MATN2: variants seen among roughly 807,000 people sequenced by gnomAD.
MATN2 encodes matrilin-2.
In MATN2, 69 loss-of-function variants were observed where a neutral mutation model predicts 103.2. That is an observed-to-expected ratio of 0.67 (90% CI 0.55 to 0.82). The LOEUF is 0.82. MATN2 is among the 40% of genes least tolerant of loss of function. The pLI is 0.00. For missense variants in MATN2, 1,023 were observed against 1,211.5 expected, an observed-to-expected ratio of 0.84 and a Z score of 2.31; for synonymous variants, 429 against 450.2, an observed-to-expected ratio of 0.95 and a Z score of 0.60.
intron 5 of MATN2, among the ~76,000 whole-genome samples, chr8:97,977,304 G>A (rs187800503): frequency 8.0e-5 from 12 of 149,168 alleles, no homozygotes; most frequent in African/African-American, 3.0e-4. Context: ...GGTGGGACCT[G>A]CTGGAAAGTG....
Position 97,919,864 on chromosome 8 carries a change from G to T in MATN2, c.143-11089G>T, listed in dbSNP as rs184797284. 4.7e-4 allele frequency among the ~76,000 whole-genome samples: 72 copies of T among 152,364 alleles called. No homozygotes were observed. The East Asian group carries it at 0.011, about 22-fold the overall frequency. The stretch of plus-strand genomic sequence containing the variant: ...ACACTCAGACAGAGGTAAGCAGGGA[G>T]TGTTGGGGCTCAGAGGAAGGCCACT... On this transcript the variant is annotated intron_variant, in intron 2 of 18. Coordinates refer to ENST00000254898, the MANE Select transcript of MATN2 (RefSeq NM_002380.5).
intron 6 of MATN2, among the ~76,000 whole-genome samples, chr8:97,988,189 T>TATATATATATATATATACACACAC (rs71570279): frequency 5.8e-4 from 32 of 54,892 alleles, no homozygotes; most frequent in East Asian, 1.4e-3. Flanking sequence ...TATATATATA[T>TATATATATATATATATACACACAC]ACACACACAC....
chr8:97,979,765 A>T (rs1405747854), intron 6 of MATN2, among the ~76,000 whole-genome samples: 1 of 152,212 alleles, frequency 6.6e-6, no homozygotes. Context: ...CTTTAATAAC[A>T]ATCTAGAATA....
At chr8:98,028,553 A>G (rs1320832258) in intron 14 of MATN2, among the ~76,000 whole-genome samples, 1 of 152,192 alleles carries the variant, frequency 6.6e-6, no homozygotes, top group African/African-American at 2.4e-5. Context: ...TGAGGGAGAT[A>G]AGAAAACTTG....
At chr8:97,906,401 A>G (rs896595590) in intron 2 of MATN2, among the ~76,000 whole-genome samples, 1 of 152,140 alleles carries the variant, frequency 6.6e-6, no homozygotes, top group Non-Finnish European at 1.5e-5. Context: ...GAGGTGATGG[A>G]CTAGCAGCAG....
At chr8:97,971,754 CT>C (rs1369939563) in intron 5 of MATN2, among the ~76,000 whole-genome samples, 2 of 152,138 alleles carry the variant, frequency 1.3e-5, no homozygotes, top group Non-Finnish European at 2.9e-5. Flanking sequence ...ACCACTTGTA[CT>C]TTTCATCTTT....
chr8:98,003,877 A>G, intron 8 of MATN2, 94 bp downstream of exon 8: 1 of 1,462,670 alleles, frequency 6.8e-7, no homozygotes, highest in Non-Finnish European at 9.5e-7. Context: ...TCTGGAGCCC[A>G]CCGGGTTTCC....
In MATN2 at chr8:98,007,792, T is replaced by C. The variant is rs1397816764; in HGVS notation, c.1573+191T>C. Among the ~76,000 whole-genome samples, 1 of 152,054 alleles carries C rather than the reference T, an allele frequency of 6.6e-6. No homozygotes were observed. The highest frequency in any genetic ancestry group is 6.6e-5 in the Admixed American group (1 of 15,256). Reference sequence around the variant, plus strand: ...TTCACCAACTCCCCTCAATCTTCCTTCCCCCGTGCCCTGAAGTGGCTTTTT... The same window carrying C: ...TTCACCAACTCCCCTCAATCTTCCTCCCCCCGTGCCCTGAAGTGGCTTTTT... On this transcript the variant is annotated intron_variant, in intron 10 of 18. Transcript: ENST00000254898. This position sits in a 1 kb window ranked among gnomAD's most constrained non-coding sequence, Gnocchi z 4.2.
At chr8:98,003,623 C>G in intron 7 of MATN2, 38 bp from the exon 8 acceptor site, 1 of 1,612,432 alleles carries the variant, frequency 6.2e-7, no homozygotes, top group Non-Finnish European at 8.5e-7. Context: ...TGGGAGAGGT[C>G]CAGAGTCTGA....
intron 14 of MATN2, among the ~76,000 whole-genome samples, 189 bp downstream of exon 14, chr8:98,028,018 A>G (rs1813875492): frequency 6.6e-6 from 1 of 152,182 alleles, no homozygotes; most frequent in African/African-American, 2.4e-5. Context: ...GAGTTAAATA[A>G]AGTGCTCAGG....
chr8:97,961,473 T>A lies in MATN2; in HGVS notation c.901T>A (p.Phe301Ile), dbSNP rs1164480769. The A allele has an allele frequency of 1.2e-6, 2 of 1,613,678 alleles. No homozygotes were observed. The highest frequency in any genetic ancestry group is 1.7e-5 in the Admixed American group (1 of 59,974). ...GCTCTGTGTGAATGTGCCGGGCTCCTTCGTCTGCCAGTGCTACAGTGGCTA... is the reference window on the plus strand; with the variant it reads ...GCTCTGTGTGAATGTGCCGGGCTCCATCGTCTGCCAGTGCTACAGTGGCTA... ...EQLCVNVPGSFVCQCYSGYAL... is the reference protein window; with the variant it reads ...EQLCVNVPGSIVCQCYSGYAL... Residue 301 changes from phenylalanine to isoleucine, a missense_variant, in exon 5 of 19, where the codon TTC becomes ATC. By Grantham distance (21) the Phe-to-Ile change is conservative (BLOSUM62 0). Transcript: ENST00000254898.
At chr8:97,878,395 C>T (rs1818148162) in intron 1 of MATN2, among the ~76,000 whole-genome samples, 1 of 151,936 alleles carries the variant, frequency 6.6e-6, no homozygotes, top group African/African-American at 2.4e-5. Flanking sequence ...AACCCCATCT[C>T]TACAAAAAAT....
In MATN2 at chr8:98,033,674, C is replaced by T. The variant is rs2130462561; in HGVS notation, c.2815+15C>T. 4 of 1,500,102 alleles carry T rather than the reference C, an allele frequency of 2.7e-6. No individual in the cohort carries two copies. The highest frequency in any genetic ancestry group is 3.7e-6 in the Non-Finnish European group (4 of 1,086,868). 92.9% of individuals were successfully genotyped at this position (1,500,102 alleles called of 1,614,324 possible). On this transcript the variant is annotated intron_variant, in intron 18 of 18. Coordinates refer to ENST00000254898, the MANE Select transcript of MATN2 (RefSeq NM_002380.5). Reference sequence around the variant, plus strand: ...AACACAGCGCTATATCCTTTTCTTGCATTATGCTTCTGTATGGAATGCAAA... The same window carrying T: ...AACACAGCGCTATATCCTTTTCTTGTATTATGCTTCTGTATGGAATGCAAA...
rs1325111982 is a variant in MATN2 at position 98,016,487 on chromosome 8, AAT to A, written c.1574-48_1574-47del. The A allele has an allele frequency of 4.6e-6, 7 of 1,526,378 alleles. No individual in the cohort carries two copies. The African/African-American group carries it at 9.6e-5, about 21-fold the overall frequency. The allele number at this position is 1,526,378 out of a possible 1,614,324, so 94.6% of individuals were successfully genotyped here. A position where few individuals can be genotyped will look rare whatever the true frequency, so the allele number is the denominator to read the frequency against. ...GTCTTTTATGATTGAATAAGCCACTAATATATGAGTCATTTTCTTCTTCTGTT... is the reference window on the plus strand; with the variant it reads ...GTCTTTTATGATTGAATAAGCCACTAATATGAGTCATTTTCTTCTTCTGTT... On this transcript the variant is annotated intron_variant, in intron 10 of 18. Coordinates refer to ENST00000254898, the MANE Select transcript of MATN2 (RefSeq NM_002380.5).
Position 98,018,080 on chromosome 8 carries a change from G to T in MATN2, c.1783G>T (p.Gly595Ter), listed in dbSNP as rs1341921121. Reference sequence around the variant, plus strand: ...CTCATACACGTGCGAGTGCTTGGAGGGATTCCGGCTCGCTGAGGATGGGAA... The same window carrying T: ...CTCATACACGTGCGAGTGCTTGGAGTGATTCCGGCTCGCTGAGGATGGGAA... ...DDSYTCECLE[G>*]FRLAEDGKRC... Residue 595 changes from glycine to a stop codon, truncating the protein, a stop_gained, in exon 12 of 19, where the codon GGA (glycine) becomes TGA (stop). Coordinates refer to ENST00000254898, the MANE Select transcript of MATN2 (RefSeq NM_002380.5). LOFTEE classifies it high-confidence loss of function. 1.2e-6 allele frequency: 2 copies of T among 1,613,812 alleles called. No homozygotes were observed. Among genetic ancestry groups the T allele is most frequent in the African/African-American group, 1.3e-5 (1 of 74,928 alleles).
At chr8:97,884,392 A>G (rs983458290) in intron 1 of MATN2, among the ~76,000 whole-genome samples, 4 of 151,756 alleles carry the variant, frequency 2.6e-5, no homozygotes, top group African/African-American at 9.7e-5. Flanking sequence ...CACCCACCTT[A>G]GCCTCCAAAG....
At chr8:98,001,821 A>C (rs1232621626) in intron 7 of MATN2, among the ~76,000 whole-genome samples, 1 of 150,994 alleles carries the variant, frequency 6.6e-6, no homozygotes, top group African/African-American at 2.5e-5. Context: ...GAGGGCCCCC[A>C]GTAAGCTTCT....
intron 1 of MATN2, among the ~76,000 whole-genome samples, chr8:97,870,371 A>G (rs1410060857): frequency 6.6e-6 from 1 of 152,076 alleles, no homozygotes; most frequent in East Asian, 1.9e-4. Context: ...ATACAAAATT[A>G]GCCGGACTTG....
chr8:97,917,150 TTCATAAAACAACAACAAAATCTTACCA>T (rs2130093352), intron 2 of MATN2, among the ~76,000 whole-genome samples: 1 of 152,230 alleles, frequency 6.6e-6, no homozygotes, highest in East Asian at 1.9e-4. Context: ...CCCCAGCACC[TTCATAAAACAACAACAAAATCTTACCA>T]TGGCATTGCC....
Sources: gnomAD v4.1 joint callset for allele counts (sites outside exome capture counted in the v4.1 genomes callset) on GRCh38, gnomAD v4.1.1 for gene constraint, Gnocchi (gnomAD v3.1) non-coding constraint, MANE v1.5 for transcripts, NCBI Gene and HGNC (gene_info 2026-07-23, HGNC 2026-07-21) for gene names.